The following RNF157 variants were observed in gnomAD, a reference collection of about 807,000 sequenced individuals.
The protein encoded by RNF157 is E3 ubiquitin ligase RNF157.
Under a neutral mutation model 88.3 loss-of-function variants are expected in RNF157, and 55 were observed. That is an observed-to-expected ratio of 0.62 (90% CI 0.50 to 0.78). RNF157 has a LOEUF of 0.78. Ranked by LOEUF, RNF157 falls within the 30% of genes least tolerant of loss-of-function variation. The pLI is 0.00. For missense variants in RNF157, 788 were observed against 860.8 expected (o/e 0.92, Z 1.06); for synonymous variants, 334 against 341.2 (o/e 0.98, Z 0.23).
chr17:76,173,423 C>T (rs1327648177), intron 3 of RNF157, among the ~76,000 whole-genome samples: 1 of 152,128 alleles, frequency 6.6e-6, no homozygotes, highest in East Asian at 1.9e-4. Flanking sequence ...ATTCTTCTTC[C>T]CTTTTAAAAA....
intron 17 of RNF157, 137 bp from the exon 18 acceptor site, chr17:76,152,602 T>TA (rs1361396945): frequency 3.2e-6 from 2 of 632,408 alleles, no homozygotes; most frequent in African/African-American, 3.7e-5. Context: ...ATTAAGCGGA[T>TA]AAAGAGTGGA....
At chr17:76,226,524 C>G in intron 1 of RNF157, 2 of 1,613,346 alleles carry the variant, frequency 1.2e-6, no homozygotes, top group Non-Finnish European at 1.7e-6. Flanking sequence ...GCACCAAAGT[C>G]GAACTCCTTC....
At position 76,146,676 on chromosome 17, in the gene RNF157, G is replaced by A. The variant is rs1193102237; in HGVS notation, c.1922-1323C>T. The A allele has an allele frequency of 3.0e-6, 3 of 985,358 alleles. No individual in the cohort carries two copies. The highest frequency in any genetic ancestry group is 4.7e-5 in the South Asian group (1 of 21,290). The allele number at this position is 985,358 out of a possible 1,614,324, so 61.0% of individuals were successfully genotyped here. On this transcript the variant is annotated intron_variant, in intron 18 of 18. Transcript: ENST00000269391. This position sits in a 1 kb window ranked among gnomAD's most constrained non-coding sequence, Gnocchi z 4.2. ...GCCTGAACTACTGCTCCACGCACAC[G>A]TCACATGGCAGAAACCGCTAGGTCC...
intron 18 of RNF157, among the ~76,000 whole-genome samples, chr17:76,148,727 A>C (rs1299978420): frequency 6.6e-6 from 1 of 150,690 alleles, no homozygotes; most frequent in Non-Finnish European, 1.5e-5. Flanking sequence ...TACGCCACCA[A>C]GCCTGGCTAA....
In RNF157 at chr17:76,145,258, C is replaced by G. The variant is rs1482675234; in HGVS notation, c.2017G>C (p.Val673Leu). 6.2e-7 allele frequency: 1 copy of G among 1,606,450 alleles called. No individual in the cohort carries two copies. The highest frequency in any genetic ancestry group is 1.7e-5 in the Admixed American group (1 of 58,808). Residue 673 changes from valine (V) to leucine (L), a missense_variant, in exon 19 of 19, where the codon GTG becomes CTG. Val to Leu is a conservative substitution (Grantham distance 32, BLOSUM62 1). Transcript: ENST00000269391. ...GCTCAGACAGCCAAAGGGCCCCACA[C>G]ACAGGGCCTCGTCTCAGAGTCCTCC... Reference protein sequence around the residue: ...SLEDSETRPCVWGPLAV With the variant: ...SLEDSETRPCLWGPLAV
At chr17:76,226,772 A>G (rs2070095205) in intron 1 of RNF157, 6 of 1,577,140 alleles carry the variant, frequency 3.8e-6, no homozygotes, top group Non-Finnish European at 5.2e-6. Flanking sequence ...GTCCCCCACC[A>G]ACACCTCGTT....
At chr17:76,226,916 T>TG in intron 1 of RNF157, 4 of 844,802 alleles carry the variant, frequency 4.7e-6, no homozygotes, top group East Asian at 2.6e-5. Context: ...CTTAAGCCGC[T>TG]GGGGGGTGCC....
intron 1 of RNF157, among the ~76,000 whole-genome samples, chr17:76,230,880 A>AGAG (rs2070178827): frequency 9.0e-6 from 1 of 111,054 alleles, no homozygotes; most frequent in Non-Finnish European, 1.7e-5. Flanking sequence ...GAGAGAGAGA[A>AGAG]AGAGAAAGAG....
chr17:76,240,066 C>T lies in RNF157; in HGVS notation c.88+87G>A. On this transcript the variant is annotated intron_variant, in intron 1 of 18. Transcript: ENST00000269391. This position sits in a 1 kb window ranked among gnomAD's most constrained non-coding sequence, Gnocchi z 4.4. ...CCGCAACCACTGAGTCCCCGAAGAC[C>T]CGCGGGGCCCCCTCAGGCCGTCCCG... 1.3e-6 allele frequency: 1 copy of T among 747,496 alleles called. No individual in the cohort carries two copies. The highest frequency in any genetic ancestry group is 1.8e-6 in the Non-Finnish European group (1 of 560,962). 46.3% of individuals were successfully genotyped at this position (747,496 alleles called of 1,614,324 possible).
Sources: allele counts gnomAD v4.1 joint callset (sites outside exome capture counted in the v4.1 genomes callset), GRCh38; gene constraint gnomAD v4.1.1; non-coding constraint Gnocchi (gnomAD v3.1); transcripts MANE v1.5; gene names NCBI Gene and HGNC (gene_info 2026-07-23, HGNC 2026-07-21).